APBA2: variants seen among roughly 807,000 people sequenced by gnomAD.
APBA2 encodes the protein amyloid-beta A4 precursor protein-binding family A member 2.
Under a neutral mutation model 75.0 loss-of-function variants are expected in APBA2, and 30 were observed. The observed-to-expected ratio is 0.40, with a 90% CI of 0.30 to 0.54. The LOEUF (loss-of-function observed/expected upper bound fraction) is 0.54. APBA2 is among the 20% of genes least tolerant of loss of function. APBA2 has a pLI of 0.49. For synonymous variants in APBA2, 444 were observed against 409.6 expected, an observed-to-expected ratio of 1.08 and a Z score of -1.01; for missense variants, 801 against 1,016.1, an observed-to-expected ratio of 0.79 and a Z score of 2.88.
chr15:29,062,389 G>A (rs956353462), intron 4 of APBA2, among the ~76,000 whole-genome samples: 6 of 152,122 alleles, frequency 3.9e-5, no homozygotes, highest in Non-Finnish European at 8.8e-5. Flanking sequence ...CTGATTCCCA[G>A]GATTGCCTTG....
rs1175937825 is a variant in APBA2 at position 29,075,018 on chromosome 15, A to T, written c.1032+17A>T. The T allele has an allele frequency of 1.3e-6, 2 of 1,596,444 alleles. No homozygotes were observed. Among genetic ancestry groups the T allele is most frequent in the Non-Finnish European group, 1.7e-6 (2 of 1,165,632 alleles). ...ATTCCAGAGGTAATTTTTTTCAAGGATGAGAGTTCTGGGCTGGAACACTCA... is the reference window on the plus strand; with the variant it reads ...ATTCCAGAGGTAATTTTTTTCAAGGTTGAGAGTTCTGGGCTGGAACACTCA... On this transcript the variant is annotated intron_variant, in intron 5 of 14. Transcript: ENST00000683413.
At chr15:28,921,979 CA>C (rs1467106871) in intron 2 of APBA2, among the ~76,000 whole-genome samples, 16 of 152,344 alleles carry the variant, frequency 1.1e-4, no homozygotes, top group African/African-American at 2.9e-4. Context: ...CAGACATTTA[CA>C]GGGGACCAGT....
intron 1 of APBA2, among the ~76,000 whole-genome samples, chr15:28,909,690 G>C (rs1287778033): frequency 3.9e-5 from 6 of 152,176 alleles, no homozygotes; most frequent in Non-Finnish European, 8.8e-5. Flanking sequence ...ATGCAAACTG[G>C]AGCAGGAGCC....
At chr15:28,992,325 A>G (rs2038277826) in intron 2 of APBA2, among the ~76,000 whole-genome samples, 1 of 152,198 alleles carries the variant, frequency 6.6e-6, no homozygotes, top group South Asian at 2.1e-4. Flanking sequence ...GTAATCAGGA[A>G]ATGTATGAAT....
chr15:29,079,822 A>G (rs1295724031), intron 6 of APBA2, among the ~76,000 whole-genome samples: 2 of 152,216 alleles, frequency 1.3e-5, no homozygotes, highest in Non-Finnish European at 2.9e-5. Flanking sequence ...GTTGATAATA[A>G]TGAAAAAAAT....
At chr15:29,056,798 C>T (rs915462849) in intron 4 of APBA2, among the ~76,000 whole-genome samples, 3 of 151,726 alleles carry the variant, frequency 2.0e-5, no homozygotes, top group Non-Finnish European at 4.4e-5. Flanking sequence ...CTACCAGGCC[C>T]GCTGCACGTG....
chr15:29,079,443 C>CTTA (rs1273447800), intron 6 of APBA2, among the ~76,000 whole-genome samples: 1 of 152,230 alleles, frequency 6.6e-6, no homozygotes, highest in Non-Finnish European at 1.5e-5. Flanking sequence ...TTGAACCTTA[C>CTTA]TTAGAAGACC....
chr15:28,888,470 C>T (rs1352244755), intron 1 of APBA2, among the ~76,000 whole-genome samples: 1 of 152,132 alleles, frequency 6.6e-6, no homozygotes, highest in Non-Finnish European at 1.5e-5. Context: ...GCTTCAGAGA[C>T]CCCCTCGAGG....
chr15:28,917,000 C>T lies in APBA2; in HGVS notation c.-204-4640C>T, dbSNP rs2033714788. 1.3e-5 allele frequency among the ~76,000 whole-genome samples: 2 copies of T among 152,032 alleles called. 1 individual carries two copies. The highest frequency in any genetic ancestry group is 4.1e-4 in the South Asian group (2 of 4,826). On this transcript the variant is annotated intron_variant, in intron 1 of 14. Transcript: ENST00000683413. ...TGAAAGGCTTCATTCTAAAGAAATACACTTCTCAAAAAAAGGGAAAGCTAG... is the reference window on the plus strand; with the variant it reads ...TGAAAGGCTTCATTCTAAAGAAATATACTTCTCAAAAAAAGGGAAAGCTAG...
chr15:28,924,091 T>C (rs1166240249), intron 2 of APBA2, among the ~76,000 whole-genome samples: 1 of 152,192 alleles, frequency 6.6e-6, no homozygotes, highest in African/African-American at 2.4e-5. Context: ...TGTGACAGTG[T>C]CCCACGAGGA....
In APBA2 at chr15:29,113,966, G is replaced by A; in HGVS notation, c.2128G>A (p.Ala710Thr). ...CGAGATCAACGGGCAGAGCGTGGTG[G>A]CCACAGCCCACGAGAAGATAGTCCA... ...IIEINGQSVV[A>T]TAHEKIVQAL... is the part of the protein sequence containing the mutation. Residue 710 changes from alanine (A) to threonine (T), a missense_variant, in exon 14 of 15, where the codon GCC becomes ACC. Physicochemically the swap from Ala to Thr is moderately conservative, Grantham distance 58. Coordinates refer to ENST00000683413, the MANE Select transcript of APBA2 (RefSeq NM_001353788.2). 6.2e-7 allele frequency: 1 copy of A among 1,613,764 alleles called. No individual in the cohort carries two copies. Among genetic ancestry groups the A allele is most frequent in the Non-Finnish European group, 8.5e-7 (1 of 1,180,040 alleles).
At chr15:28,912,513 C>T (rs2033477310) in intron 1 of APBA2, among the ~76,000 whole-genome samples, 1 of 152,222 alleles carries the variant, frequency 6.6e-6, no homozygotes, top group Non-Finnish European at 1.5e-5. Context: ...TAGCTGTTGG[C>T]TACTTATCTC....
At chr15:28,946,852 T>C (rs2035578921) in intron 2 of APBA2, among the ~76,000 whole-genome samples, 1 of 152,190 alleles carries the variant, frequency 6.6e-6, no homozygotes, top group Non-Finnish European at 1.5e-5. Flanking sequence ...GTGCTGGGAT[T>C]ATAGGCGTGA....
chr15:29,058,069 A>G (rs2041980228), intron 4 of APBA2, among the ~76,000 whole-genome samples: 1 of 152,134 alleles, frequency 6.6e-6, no homozygotes, highest in African/African-American at 2.4e-5. Flanking sequence ...TATTTTCACC[A>G]TCTCTGCAGC....
chr15:28,898,086 G>C (rs916754374), intron 1 of APBA2, among the ~76,000 whole-genome samples: 2 of 152,138 alleles, frequency 1.3e-5, no homozygotes, highest in African/African-American at 2.4e-5. Context: ...ACTGGACAGG[G>C]CCAGGTAAAG....
rs1261829069 is a variant in APBA2, at chr15:28,941,623, T to C, written c.-95+19874T>C. 2.0e-5 allele frequency among the ~76,000 whole-genome samples: 3 copies of C among 152,018 alleles called. No homozygotes were observed. The South Asian group carries it at 6.2e-4, about 32-fold the overall frequency. ...ACATGGAGCAGGGTGGGGCTATGAT[T>C]ACCCTACAACCAGGATGTGGTCAGG... is the stretch of plus-strand genomic sequence containing the variant. On this transcript the variant is annotated intron_variant, in intron 2 of 14. Transcript: ENST00000683413.
chr15:29,116,641 A>G (rs920030210), intron 14 of APBA2, among the ~76,000 whole-genome samples: 64 of 151,674 alleles, frequency 4.2e-4, no homozygotes, highest in African/African-American at 1.4e-3. Flanking sequence ...AAAAAAAAAA[A>G]AAGAAGGGGT....
chr15:29,013,253 A>G (rs2039489826), intron 3 of APBA2, among the ~76,000 whole-genome samples: 1 of 149,786 alleles, frequency 6.7e-6, no homozygotes, highest in South Asian at 2.1e-4. Flanking sequence ...ATGTTATGTC[A>G]TATAGGAAAA....
chr15:28,973,554 G>A (rs1479050513), intron 2 of APBA2, among the ~76,000 whole-genome samples: 10 of 152,098 alleles, frequency 6.6e-5, no homozygotes, highest in African/African-American at 1.4e-4. Flanking sequence ...ACATAGCAGG[G>A]GACAGGCTTC....
Sources: allele counts gnomAD v4.1 joint callset (sites outside exome capture counted in the v4.1 genomes callset), GRCh38; gene constraint gnomAD v4.1.1; transcripts MANE v1.5; gene names NCBI Gene and HGNC (gene_info 2026-07-23, HGNC 2026-07-21).